RAB11FIP4: variants seen among roughly 807,000 people sequenced by gnomAD.
RAB11FIP4 encodes the protein RAB11 family interacting protein 4, also known as rab11 family-interacting protein 4.
A neutral mutation model predicts 74.3 loss-of-function variants in RAB11FIP4; 23 were observed. That is an observed-to-expected ratio of 0.31 (90% confidence interval 0.22 to 0.44). RAB11FIP4 has a LOEUF of 0.44. Ranked by LOEUF, RAB11FIP4 falls within the 20% of genes least tolerant of loss-of-function variation. RAB11FIP4 has a pLI of 1.00. For missense variants in RAB11FIP4, 630 were observed against 863.9 expected, an observed-to-expected ratio of 0.73 and a Z score of 3.39; for synonymous variants, 360 against 359.9, an observed-to-expected ratio of 1.00 and a Z score of 0.00.
intron 3 of RAB11FIP4, among the ~76,000 whole-genome samples, chr17:31,444,051 A>G (rs720350): frequency 0.1 from 15,313 of 152,250 alleles, 840 homozygotes; most frequent in Middle Eastern, 0.12. Flanking sequence ...AATGATGATA[A>G]CCTGTGCCTC....
At chr17:31,525,401 C>A in intron 10 of RAB11FIP4, 171 bp downstream of exon 10, 1 of 664,526 alleles carries the variant, frequency 1.5e-6, no homozygotes. Context: ...AACACAGAGG[C>A]ATGCTCTTCA....
chr17:31,430,183 A>T (rs1313826325), intron 1 of RAB11FIP4, among the ~76,000 whole-genome samples: 1 of 152,042 alleles, frequency 6.6e-6, no homozygotes, highest in Non-Finnish European at 1.5e-5. Context: ...AGTTGTAGGG[A>T]ATAGCATGTG....
chr17:31,514,639 G>A (rs530895416), intron 3 of RAB11FIP4, among the ~76,000 whole-genome samples: 1 of 152,352 alleles, frequency 6.6e-6, no homozygotes, highest in East Asian at 1.9e-4. Context: ...TCCCAGCAAG[G>A]GGGAACTCTC....
chr17:31,392,345 C>G (rs1159790571), intron 1 of RAB11FIP4: 1 of 198,040 alleles, frequency 5.0e-6, no homozygotes, highest in East Asian at 1.1e-4. Flanking sequence ...GAATCCGGCC[C>G]TAGGCTCCCC....
At chr17:31,471,312 G>C (rs1487119861) in intron 3 of RAB11FIP4, among the ~76,000 whole-genome samples, 2 of 150,428 alleles carry the variant, frequency 1.3e-5, no homozygotes, top group Non-Finnish European at 3.0e-5. Context: ...TGATCCTCCT[G>C]CCTCAGCCTT....
At position 31,536,044 on chromosome 17, in the gene RAB11FIP4, G is replaced by C. The variant is rs1031476378; in HGVS notation, c.*4312G>C. ...GCTGGTGTTCAGGGGAGTTGGGGGG[G>C]GGGGGCGCGGGGACAGAAGCGCGGG... On this transcript the variant is annotated 3_prime_UTR_variant, in exon 15 of 15. Transcript: ENST00000621161. The C allele has an allele frequency of 2.6e-5, 4 of 151,942 alleles. No homozygotes were observed. The highest frequency in any genetic ancestry group is 6.6e-5 in the Admixed American group (1 of 15,258). The allele number at this position is 151,942 out of a possible 1,614,324, so 9.4% of individuals were successfully genotyped here. A position where few individuals can be genotyped will look rare whatever the true frequency, so the allele number is the denominator to read the frequency against.
intron 1 of RAB11FIP4, among the ~76,000 whole-genome samples, chr17:31,403,515 G>A (rs2071014950): frequency 6.6e-6 from 1 of 151,912 alleles, no homozygotes; most frequent in Non-Finnish European, 1.5e-5. Flanking sequence ...GTAGAAACGG[G>A]GTTTCACCAT....
intron 3 of RAB11FIP4, among the ~76,000 whole-genome samples, chr17:31,456,973 G>A (rs1187052229): frequency 1.3e-5 from 2 of 152,152 alleles, no homozygotes; most frequent in African/African-American, 4.8e-5. Context: ...CTAGGCAAGA[G>A]TAAACAAGGC....
rs1008238304 is a variant in RAB11FIP4, at chr17:31,422,300, G to A, written c.160-9513G>A. On this transcript the variant is annotated intron_variant, in intron 1 of 14. Coordinates refer to ENST00000621161, the MANE Select transcript of RAB11FIP4 (RefSeq NM_032932.6). ...GTGTATTCTGCTATTCTTGGGTGGTGTGTTCGATAAACATCAATTAGGTTA... is the reference window on the plus strand; with the variant it reads ...GTGTATTCTGCTATTCTTGGGTGGTATGTTCGATAAACATCAATTAGGTTA... Among the ~76,000 whole-genome samples the A allele has an allele frequency of 4.6e-5, 7 of 152,332 alleles. 1 individual carries two copies. The highest frequency in any genetic ancestry group is 3.4e-3 in the Middle Eastern group (1 of 294).
intron 13 of RAB11FIP4, among the ~76,000 whole-genome samples, 189 bp downstream of exon 13, chr17:31,528,967 C>T (rs941273521): frequency 2.6e-5 from 4 of 152,340 alleles, no homozygotes; most frequent in African/African-American, 4.8e-5. Context: ...AAGATCTCTC[C>T]CTTACGTCTA....
chr17:31,517,588 AT>A, intron 3 of RAB11FIP4, 62 bp from the exon 4 acceptor site: 1 of 1,484,920 alleles, frequency 6.7e-7, no homozygotes, highest in Non-Finnish European at 9.2e-7. Flanking sequence ...TTGTGGTCTG[AT>A]TGGAACACTG....
chr17:31,447,565 C>A (rs145965297), intron 3 of RAB11FIP4, among the ~76,000 whole-genome samples: 47 of 152,284 alleles, frequency 3.1e-4, no homozygotes, highest in Middle Eastern at 3.4e-3. Context: ...ACTCATTGCC[C>A]AGGCTGGAGT....
At chr17:31,436,205 C>G (rs1041126862) in intron 3 of RAB11FIP4, among the ~76,000 whole-genome samples, 1 of 152,212 alleles carries the variant, frequency 6.6e-6, no homozygotes, top group East Asian at 1.9e-4. Context: ...GTGTCCTCAA[C>G]TGTAAAACAA....
At chr17:31,524,836 G>T (rs912042732) in intron 9 of RAB11FIP4, 2 of 567,630 alleles carry the variant, frequency 3.5e-6, no homozygotes, top group African/African-American at 3.8e-5. Context: ...GACTGGTGGG[G>T]GCGGTCCCTC....
intron 1 of RAB11FIP4, among the ~76,000 whole-genome samples, chr17:31,403,606 G>A (rs2071016109): frequency 1.3e-5 from 2 of 152,144 alleles, no homozygotes; most frequent in South Asian, 4.1e-4. Context: ...ACAGGCATGA[G>A]CCACCGCGCC....
intron 3 of RAB11FIP4, among the ~76,000 whole-genome samples, chr17:31,441,856 T>C (rs1406748146): frequency 1.3e-5 from 2 of 152,026 alleles, no homozygotes; most frequent in Non-Finnish European, 2.9e-5. Context: ...TTTAATAGTT[T>C]ATTTATATGC....
At chr17:31,520,093 C>A (rs2072633611) in intron 4 of RAB11FIP4, among the ~76,000 whole-genome samples, 1 of 99,272 alleles carries the variant, frequency 1.0e-5, no homozygotes, top group South Asian at 4.4e-4. Flanking sequence ...GACTCTGTCT[C>A]CAAAAAAAAA....
In RAB11FIP4 at chr17:31,523,499, C is replaced by G. The variant is rs746212613; in HGVS notation, c.930-13C>G. 16 of 1,611,922 alleles carry G rather than the reference C, an allele frequency of 9.9e-6. No homozygotes were observed. The East Asian group carries it at 3.3e-4, about 34-fold the overall frequency. ...GGCCCCTGCAGCCAGACACCCTCCT[C>G]CCACCCCTGCAGGCAGCTCATGCAC... On this transcript the variant is annotated splice_polypyrimidine_tract_variant and intron_variant, in intron 7 of 14. Transcript: ENST00000621161.
At chr17:31,491,811 G>A (rs895933653) in intron 3 of RAB11FIP4, among the ~76,000 whole-genome samples, 16 of 152,204 alleles carry the variant, frequency 1.1e-4, no homozygotes, top group Non-Finnish European at 2.1e-4. Context: ...CAGAGCCTCC[G>A]CGTCGAGGGG....
Sources: allele counts gnomAD v4.1 joint callset (sites outside exome capture counted in the v4.1 genomes callset), GRCh38; gene constraint gnomAD v4.1.1; transcripts MANE v1.5; gene names NCBI Gene and HGNC (gene_info 2026-07-23, HGNC 2026-07-21).